SMG5: variants seen among roughly 807,000 people sequenced by gnomAD.
SMG5 encodes SMG5 nonsense mediated mRNA decay factor.
Under a neutral mutation model 122.9 loss-of-function variants are expected in SMG5, and 53 were observed. The observed-to-expected ratio is 0.43, with a 90% CI of 0.35 to 0.54. SMG5 has a LOEUF of 0.54. Ranked by LOEUF, SMG5 falls within the 20% of genes least tolerant of loss-of-function variation. The probability of loss-of-function intolerance (pLI) is 0.01; values close to 1 mark genes in which losing one functional copy is unlikely to be tolerated. For synonymous variants in SMG5, 477 were observed against 490.2 expected, an observed-to-expected ratio of 0.97 and a Z score of 0.35; for missense variants, 1,153 against 1,285.6, an observed-to-expected ratio of 0.90 and a Z score of 1.58.
At position 156,267,493 on chromosome 1, in the gene SMG5, C is replaced by A; in HGVS notation, c.1094G>T (p.Cys365Phe). Reference protein sequence around the residue: ...IFQMVIICLMCVHSLERAGSK... With the variant: ...IFQMVIICLMFVHSLERAGSK... Reference sequence around the variant, plus strand: ...ACCTGCTCTCTCCAAGCTGTGCACACACATAAGGCAGATGATGACCATTTG... The same window carrying A: ...ACCTGCTCTCTCCAAGCTGTGCACAAACATAAGGCAGATGATGACCATTTG... Residue 365 changes from cysteine to phenylalanine, a missense_variant, in exon 10 of 22, where the codon TGT (cysteine) becomes TTT (phenylalanine). Physicochemically the swap from Cys to Phe is radical, Grantham distance 205. This residue lies in a region of SMG5 where 631 missense variants were observed against 650.6 expected (regional missense o/e 0.97). Transcript: ENST00000361813. The A allele has an allele frequency of 6.2e-7, 1 of 1,614,126 alleles. No individual in the cohort carries two copies. Among genetic ancestry groups the A allele is most frequent in the Non-Finnish European group, 8.5e-7 (1 of 1,179,994 alleles).
chr1:156,277,015 AC>A, intron 4 of SMG5, 69 bp downstream of exon 4: 1 of 1,527,498 alleles, frequency 6.5e-7, no homozygotes, highest in Non-Finnish European at 8.9e-7. Flanking sequence ...AGCTACATGA[AC>A]CCTGAGGGAT....
At chr1:156,266,762 T>C (rs1662172409) in intron 10 of SMG5, 84 bp from the exon 11 acceptor site, 24 of 1,460,302 alleles carry the variant, frequency 1.6e-5, no homozygotes, top group Non-Finnish European at 2.1e-5. Flanking sequence ...TCTCATCTGT[T>C]CTCAACTCTT....
chr1:156,254,477 T>A (rs542792458), intron 16 of SMG5, among the ~76,000 whole-genome samples: 14 of 152,304 alleles, frequency 9.2e-5, no homozygotes, highest in African/African-American at 3.4e-4. Flanking sequence ...AGGGTCTCAC[T>A]ATGTCACTCA....
chr1:156,268,435 G>A lies in SMG5; in HGVS notation c.714-20C>T. ...TGGATGCTGTAAGAGATAGAGGTGA[G>A]CTACTGAGTCTTGGCAGGGGGAGGA... On this transcript the variant is annotated intron_variant, in intron 7 of 21. Transcript: ENST00000361813. 2.5e-6 allele frequency: 4 copies of A among 1,611,388 alleles called. No homozygotes were observed. The highest frequency in any genetic ancestry group is 3.4e-6 in the Non-Finnish European group (4 of 1,178,680).
At chr1:156,284,967 G>A (rs1038892491), upstream of SMG5, among the ~76,000 whole-genome samples, 11 of 152,106 alleles carry the variant, frequency 7.2e-5, no homozygotes, top group Admixed American at 2.0e-4. Flanking sequence ...CCTGTTGGAC[G>A]GCATTTGATG....
chr1:156,274,391 T>G (rs190174163), intron 5 of SMG5, among the ~76,000 whole-genome samples: 1 of 152,264 alleles, frequency 6.6e-6, no homozygotes, highest in East Asian at 1.9e-4. Flanking sequence ...GAAATTTCCC[T>G]TTTTCCTGTA....
At chr1:156,258,812 C>T (rs1483948766) in intron 16 of SMG5, among the ~76,000 whole-genome samples, 193 bp downstream of exon 16, 2 of 151,694 alleles carry the variant, frequency 1.3e-5, no homozygotes, top group East Asian at 1.9e-4. Context: ...AAAAAAAACC[C>T]CTCTCAGTCC....
At position 156,268,472 on chromosome 1, in the gene SMG5, G is replaced by A. The variant is rs989941280; in HGVS notation, c.714-57C>T. The stretch of plus-strand genomic sequence containing the variant: ...TGGCAGGGGGAGGATATGTTACTCT[G>A]CTGGGGCTTTAGGAAACAATGTTAC... On this transcript the variant is annotated intron_variant, in intron 7 of 21. Transcript: ENST00000361813. 5.6e-6 allele frequency: 9 copies of A among 1,593,712 alleles called. No homozygotes were observed. In the East Asian group the frequency reaches 1.1e-4, roughly 20 times the overall value.
In SMG5 at chr1:156,267,448, AGAG is replaced by A; in HGVS notation, c.1117+19_1117+21del. Reference sequence around the variant, plus strand: ...ATCCCCAAAGCCAGTGGAAGAGAAAAGAGGAACATAGGGAAGGTTACCTGCTCT... The same window carrying A: ...ATCCCCAAAGCCAGTGGAAGAGAAAAGAACATAGGGAAGGTTACCTGCTCT... On this transcript the variant is annotated intron_variant, in intron 10 of 21. Transcript: ENST00000361813. The A allele has an allele frequency of 6.2e-7, 1 of 1,610,782 alleles. No homozygotes were observed. The highest frequency in any genetic ancestry group is 8.5e-7 in the Non-Finnish European group (1 of 1,177,118).
chr1:156,257,382 C>G (rs1416737816), intron 16 of SMG5, among the ~76,000 whole-genome samples: 1 of 152,070 alleles, frequency 6.6e-6, no homozygotes, highest in Non-Finnish European at 1.5e-5. Flanking sequence ...GGGGATAAGC[C>G]CTTCGGGGTG....
At chr1:156,270,596 A>C (rs1049863547) in intron 7 of SMG5, among the ~76,000 whole-genome samples, 1 of 152,226 alleles carries the variant, frequency 6.6e-6, no homozygotes, top group Admixed American at 6.5e-5. Context: ...GGCACCTCCC[A>C]AACTTGGATA....
chr1:156,256,753 C>G (rs546258996), intron 16 of SMG5, among the ~76,000 whole-genome samples: 9 of 152,206 alleles, frequency 5.9e-5, no homozygotes, highest in Non-Finnish European at 7.4e-5. Context: ...CTACACCCCC[C>G]GCAACTCCTA....
At chr1:156,280,531 C>T (rs1258304793) in intron 1 of SMG5, among the ~76,000 whole-genome samples, 2 of 152,248 alleles carry the variant, frequency 1.3e-5, no homozygotes. Context: ...TTTTGGCCAA[C>T]CTGGCCCTCG....
upstream of SMG5, chr1:156,285,809 C>G: frequency 6.2e-7 from 1 of 1,613,670 alleles, no homozygotes; most frequent in Non-Finnish European, 8.5e-7. Flanking sequence ...CTGTGGAGAC[C>G]GTGAGTGGCT....
At chr1:156,259,184 CCAGCGCTGCTGAGCAGGGCCCTCT>C in intron 15 of SMG5, 21 bp from the exon 16 acceptor site, 1 of 1,546,352 alleles carries the variant, frequency 6.5e-7, no homozygotes, top group Non-Finnish European at 8.7e-7. Flanking sequence ...ATACAGGAGC[CCAGCGCTGCTGAGCAGGGCCCTCT>C]AGACCCACCC....
upstream of SMG5, chr1:156,285,606 G>T (rs147509014): frequency 1.1e-5 from 18 of 1,614,220 alleles, no homozygotes; most frequent in Non-Finnish European, 1.4e-5. Context: ...AAAGCGGCCC[G>T]TGCCTTCGTG....
Position 156,250,868 on chromosome 1 carries a change from C to A in SMG5, c.2957G>T (p.Gly986Val), listed in dbSNP as rs147716722. The A allele has an allele frequency of 4.0e-4, 638 of 1,613,758 alleles. No homozygotes were observed. Among genetic ancestry groups the A allele is most frequent in the Non-Finnish European group, 5.2e-4 (612 of 1,179,886 alleles). ...TCACCCATGACCCACCTGCATGGGG[C>A]CTGAAAGCACGCTGGGGTTGTCCAG... Reference protein sequence around the residue: ...LPLDNPSVLSGPMQAALQAAA... With the variant: ...LPLDNPSVLSVPMQAALQAAA... Residue 986 changes from glycine (G) to valine (V), a missense_variant, in exon 21 of 22, where the codon GGC becomes GTC. Around this residue, in one of 5 missense-constraint regions of SMG5, gnomAD observed 84 missense variants for 82.3 expected, o/e 1.02. Transcript: ENST00000361813.
chr1:156,260,710 T>C (rs763954193), intron 14 of SMG5, 84 bp from the exon 15 acceptor site: 16 of 1,278,172 alleles, frequency 1.3e-5, no homozygotes, highest in Non-Finnish European at 1.7e-5. Context: ...TTGGGAATTA[T>C]CAGGCTGATG....
At chr1:156,275,871 G>A (rs1205641044) in intron 4 of SMG5, among the ~76,000 whole-genome samples, 1 of 150,410 alleles carries the variant, frequency 6.6e-6, no homozygotes, top group African/African-American at 2.5e-5. Context: ...TGGAGTTCCA[G>A]CGATGAAATC....
Sources: gnomAD v4.1 joint callset for allele counts (sites outside exome capture counted in the v4.1 genomes callset) on GRCh38, gnomAD v4.1.1 for gene constraint, gnomAD v4.1.1 regional missense constraint, MANE v1.5 for transcripts, NCBI Gene and HGNC (gene_info 2026-07-23, HGNC 2026-07-21) for gene names.